AMER1: variants seen among roughly 807,000 people sequenced by gnomAD.
AMER1 encodes the protein RP11-403E24.2.
Under a neutral mutation model 53.0 loss-of-function variants are expected in AMER1, and 16 were observed. That is an observed-to-expected ratio of 0.30 (90% CI 0.20 to 0.46). The LOEUF (loss-of-function observed/expected upper bound fraction) is 0.46, where lower values mean the gene tolerates loss of function less well. AMER1 is among the 20% of genes least tolerant of loss of function. AMER1 has a pLI of 1.00. For synonymous variants in AMER1, 354 were observed against 331.9 expected, an observed-to-expected ratio of 1.07 and a Z score of -0.73; for missense variants, 947 against 884.9, an observed-to-expected ratio of 1.07 and a Z score of -0.89.
intron 1 of AMER1, among the ~76,000 whole-genome samples, chrX:64,195,585 T>G (rs758701881): frequency 2.3e-4 from 26 of 112,202 alleles, no homozygotes; most frequent in Admixed American, 1.2e-3. Context: ...TAGATTCTCA[T>G]AGGAGCGTGA....
chrX:64,204,858 G>A (rs1261237641), intron 1 of AMER1, among the ~76,000 whole-genome samples: 3 of 113,550 alleles, frequency 2.6e-5, no homozygotes, highest in African/African-American at 6.4e-5. Context: ...CTGCCCGACC[G>A]CGGGGGCGGG....
chrX:64,186,831 C>G lies in AMER1; in HGVS notation c.*3048G>C. The G allele has an allele frequency of 1.3e-6, 1 of 773,270 alleles. No homozygotes were observed. Among genetic ancestry groups the G allele is most frequent in the Non-Finnish European group, 1.5e-6 (1 of 650,200 alleles). The allele number at this position is 773,270 out of a possible 1,213,427, so 63.7% of individuals were successfully genotyped here. A position where few individuals can be genotyped will look rare whatever the true frequency, so the allele number is the denominator to read the frequency against. ...GCATCCTGGCCCTGGGAGAGGCCTA[C>G]TAGGTGGCCTTCTCTATCCACATTC... is the stretch of plus-strand genomic sequence containing the variant. On this transcript the variant is annotated 3_prime_UTR_variant, in exon 2 of 2. Transcript: ENST00000374869.
At chrX:64,201,506 C>T (rs1336355489) in intron 1 of AMER1, among the ~76,000 whole-genome samples, 1 of 107,917 alleles carries the variant, frequency 9.3e-6, no homozygotes, top group Non-Finnish European at 1.9e-5. Flanking sequence ...TTAACTATAG[C>T]ATGACAGGCT....
Position 64,189,810 on chromosome X carries a change from C to CCCCT in AMER1, c.*68_*69insAGGG. 1 of 1,042,434 alleles carries CCCCT rather than the reference C, an allele frequency of 9.6e-7. No individual in the cohort carries two copies. Among genetic ancestry groups the CCCCT allele is most frequent in the Non-Finnish European group, 1.2e-6 (1 of 802,571 alleles). The allele number at this position is 1,042,434 out of a possible 1,213,427, so 85.9% of individuals were successfully genotyped here. On this transcript the variant is annotated 3_prime_UTR_variant, in exon 2 of 2. Transcript: ENST00000374869. ...AAACAACAACCCCCACCCCCCCACC[C>CCCCT]TTCTGCCCAACCCCTGATCCCCATT...
Position 64,186,088 on chromosome X carries a change from T to C in AMER1, c.*3791A>G, listed in dbSNP as rs1930100528. 1 of 1,179,955 alleles carries C rather than the reference T, an allele frequency of 8.5e-7. No homozygotes were observed. The highest frequency in any genetic ancestry group is 1.8e-5 in the African/African-American group (1 of 56,387). On this transcript the variant is annotated 3_prime_UTR_variant, in exon 2 of 2. Coordinates refer to ENST00000374869, the MANE Select transcript of AMER1 (RefSeq NM_152424.4). The stretch of plus-strand genomic sequence containing the variant: ...GAAGGGTTCAAAAGAAAGAAAAACA[T>C]AAAATAAAGCCAGAAAATGACAAGC...
intron 1 of AMER1, among the ~76,000 whole-genome samples, chrX:64,205,075 A>G (rs1256479294): frequency 8.8e-6 from 1 of 113,630 alleles, no homozygotes; most frequent in Non-Finnish European, 1.9e-5. Flanking sequence ...GTCCGCAGAA[A>G]GGAGGGAGAG....
rs1930111265 is a variant in AMER1 at position 64,186,419 on chromosome X, T to C, written c.*3460A>G. ...ATGCAAACAATATAAAAATAGATAA[T>C]TGACTTTTGATATATATATATATAT... is the stretch of plus-strand genomic sequence containing the variant. On this transcript the variant is annotated 3_prime_UTR_variant, in exon 2 of 2. Coordinates refer to ENST00000374869, the MANE Select transcript of AMER1 (RefSeq NM_152424.4). 4.0e-6 allele frequency: 3 copies of C among 757,003 alleles called. No homozygotes were observed. Among genetic ancestry groups the C allele is most frequent in the East Asian group, 1.3e-4 (2 of 15,897 alleles). 62.4% of individuals were successfully genotyped at this position (757,003 alleles called of 1,213,427 possible).
chrX:64,192,118 A>G lies in AMER1; in HGVS notation c.1169T>C (p.Leu390Ser), dbSNP rs759765512. ...CTTAACCTCCTCTTCTTCCTCCTCT[A>G]ATTCCACCTCTTCTTCCTCTTCTTC... ...EEEEEEEEVELEEEEEEVKEE... is the reference protein window; with the variant it reads ...EEEEEEEEVESEEEEEEVKEE... The change falls in exon 2 of 2, where the codon TTA becomes TCA. Residue 390 changes from leucine (L) to serine (S), a missense_variant. By Grantham distance (145) the Leu-to-Ser change is moderately radical. Transcript: ENST00000374869. 1.7e-6 allele frequency: 2 copies of G among 1,209,531 alleles called. No homozygotes were observed. Among genetic ancestry groups the G allele is most frequent in the Non-Finnish European group, 2.2e-6 (2 of 893,856 alleles).
rs1321731827 is a variant in AMER1, at chrX:64,187,093, C to A, written c.*2786G>T. ...GTTTTAGTGGTCTGGGGTGTATTTG[C>A]TGCCACCCAAGCCAGCACTAGTCTG... On this transcript the variant is annotated 3_prime_UTR_variant, in exon 2 of 2. Coordinates refer to ENST00000374869, the MANE Select transcript of AMER1 (RefSeq NM_152424.4). The A allele has an allele frequency of 2.6e-6, 2 of 782,799 alleles. No individual in the cohort carries two copies. Among genetic ancestry groups the A allele is most frequent in the Non-Finnish European group, 3.0e-6 (2 of 657,220 alleles). 64.5% of individuals were successfully genotyped at this position (782,799 alleles called of 1,213,427 possible).
rs1930267473 is a variant in AMER1, at chrX:64,192,350, A to G, written c.937T>C (p.Phe313Leu). 1.7e-6 allele frequency: 2 copies of G among 1,212,124 alleles called. No individual in the cohort carries two copies. The highest frequency in any genetic ancestry group is 2.2e-6 in the Non-Finnish European group (2 of 895,592). The change falls in exon 2 of 2, where the codon TTT (phenylalanine) becomes CTT (leucine). Residue 313 changes from phenylalanine (F) to leucine (L), a missense_variant. Coordinates refer to ENST00000374869, the MANE Select transcript of AMER1 (RefSeq NM_152424.4). ...CTTTTCAGGGATGTCACATCCCCAA[A>G]CAAGAGGCTCAGTGGGTCCCCCACA... is the stretch of plus-strand genomic sequence containing the variant. ...GPVGDPLSLL[F>L]GDVTSLKSFD...
Position 64,191,072 on chromosome X carries a change from C to T in AMER1, c.2215G>A (p.Gly739Arg), listed in dbSNP as rs1487516768. 2.5e-6 allele frequency: 3 copies of T among 1,210,682 alleles called. No homozygotes were observed. The highest frequency in any genetic ancestry group is 4.4e-5 in the Admixed American group (2 of 45,902). ...EPDMQEANFG[G>R]SPRRAYPTYS... is the part of the protein sequence containing the mutation. ...GTAGGGTAGGCCCTCCTGGGAGATCCTCCAAAATTTGCTTCTTGCATGTCT... is the reference window on the plus strand; with the variant it reads ...GTAGGGTAGGCCCTCCTGGGAGATCTTCCAAAATTTGCTTCTTGCATGTCT... The change falls in exon 2 of 2, where the codon GGA becomes AGA. Residue 739 changes from glycine (G) to arginine (R), a missense_variant. By Grantham distance (125) the Gly-to-Arg change is moderately radical. Coordinates refer to ENST00000374869, the MANE Select transcript of AMER1 (RefSeq NM_152424.4).
At chrX:64,197,567 G>T (rs1342554786) in intron 1 of AMER1, among the ~76,000 whole-genome samples, 1 of 112,994 alleles carries the variant, frequency 8.9e-6, no homozygotes, top group Non-Finnish European at 1.9e-5. Context: ...GGAAGAAAAA[G>T]AAGCAAGTGG....
rs2147089026 is a variant in AMER1, at chrX:64,192,174, C to T, written c.1113G>A (p.Glu371=). ...CGTCATCATCATCTGGCAAGGCCAT[C>T]TCCTCCCCACCTCCTTGGTAGGTCA... ...CLVTYQGGGE[E]MALPDDDDEE... Residue 371 remains glutamate, a synonymous_variant, in exon 2 of 2, where the codon GAG becomes GAA. Transcript: ENST00000374869. 3 of 1,211,951 alleles carry T rather than the reference C, an allele frequency of 2.5e-6. No homozygotes were observed. The highest frequency in any genetic ancestry group is 3.4e-6 in the Non-Finnish European group (3 of 895,457).
rs898972878 is a variant in AMER1 at position 64,204,700 on chromosome X, G to A, written c.-99+870C>T. On this transcript the variant is annotated intron_variant, in intron 1 of 1. Transcript: ENST00000374869. Reference sequence around the variant, plus strand: ...TGCTATTTTTAAACGGGAGGCTGGAGAGGAAAACGCGGCCAGTATCCTCCA... The same window carrying A: ...TGCTATTTTTAAACGGGAGGCTGGAAAGGAAAACGCGGCCAGTATCCTCCA... Among the ~76,000 whole-genome samples, 9 of 113,311 alleles carry A rather than the reference G, an allele frequency of 7.9e-5. No homozygotes were observed. In the East Asian group the frequency reaches 2.5e-3, roughly 32 times the overall value.
Position 64,187,252 on chromosome X carries a change from T to C in AMER1, c.*2627A>G. 1.3e-6 allele frequency: 1 copy of C among 787,442 alleles called. No homozygotes were observed. The highest frequency in any genetic ancestry group is 1.5e-6 in the Non-Finnish European group (1 of 659,276). The allele number at this position is 787,442 out of a possible 1,213,427, so 64.9% of individuals were successfully genotyped here. On this transcript the variant is annotated 3_prime_UTR_variant, in exon 2 of 2. Transcript: ENST00000374869. Reference sequence around the variant, plus strand: ...GTTTCAGCCACAAACTGCTTAGCTCTAGAAATTCAAAGGAACCTGCTTCTG... The same window carrying C: ...GTTTCAGCCACAAACTGCTTAGCTCCAGAAATTCAAAGGAACCTGCTTCTG...
At chrX:64,193,703 G>T (rs868252945) in intron 1 of AMER1, among the ~76,000 whole-genome samples, 6 of 111,999 alleles carry the variant, frequency 5.4e-5, no homozygotes, top group Middle Eastern at 4.6e-3. Context: ...AGGCCTAGTG[G>T]TGCTATTGGC....
intron 1 of AMER1, among the ~76,000 whole-genome samples, chrX:64,197,490 T>G (rs1468982805): frequency 8.8e-6 from 1 of 113,041 alleles, no homozygotes; most frequent in Admixed American, 9.2e-5. Context: ...AATATGAGCC[T>G]TGCACATTCT....
In AMER1 at chrX:64,191,071, C is replaced by T. The variant is rs2147086558; in HGVS notation, c.2216G>A (p.Gly739Glu). Residue 739 changes from glycine (G) to glutamate (E), a missense_variant, in exon 2 of 2, where the codon GGA (glycine) becomes GAA (glutamate). Coordinates refer to ENST00000374869, the MANE Select transcript of AMER1 (RefSeq NM_152424.4). ...EPDMQEANFGGSPRRAYPTYS... is the reference protein window; with the variant it reads ...EPDMQEANFGESPRRAYPTYS... ...AGTAGGGTAGGCCCTCCTGGGAGAT[C>T]CTCCAAAATTTGCTTCTTGCATGTC... 8.3e-7 allele frequency: 1 copy of T among 1,212,007 alleles called. No homozygotes were observed. Among genetic ancestry groups the T allele is most frequent in the Non-Finnish European group, 1.1e-6 (1 of 895,578 alleles).
In AMER1 at chrX:64,188,391, C is replaced by A. The variant is rs144171633; in HGVS notation, c.*1488G>T. 1.2e-6 allele frequency: 1 copy of A among 804,673 alleles called. No individual in the cohort carries two copies. Among genetic ancestry groups the A allele is most frequent in the Non-Finnish European group, 1.5e-6 (1 of 670,074 alleles). 66.3% of individuals were successfully genotyped at this position (804,673 alleles called of 1,213,427 possible). A position where few individuals can be genotyped will look rare whatever the true frequency, so the allele number is the denominator to read the frequency against. ...GCCTGTTCCAATGTCTTCCTGACAG[C>A]AAGCTCTTCCCCACCAGTATTTCCA... On this transcript the variant is annotated 3_prime_UTR_variant, in exon 2 of 2. Coordinates refer to ENST00000374869, the MANE Select transcript of AMER1 (RefSeq NM_152424.4).
Sources: allele counts gnomAD v4.1 joint callset (sites outside exome capture counted in the v4.1 genomes callset), GRCh38; gene constraint gnomAD v4.1.1; transcripts MANE v1.5; gene names NCBI Gene and HGNC (gene_info 2026-07-23, HGNC 2026-07-21).